The following HCRTR2 variants were observed in gnomAD, a reference collection of about 807,000 sequenced individuals.
HCRTR2 encodes the protein orexin receptor type 2.
A neutral mutation model predicts 49.0 loss-of-function variants in HCRTR2; 22 were observed. The ratio of observed to expected loss-of-function variants is 0.45; its 90% CI spans 0.32 to 0.64. The LOEUF is 0.64. Ranked by LOEUF, HCRTR2 falls within the 30% of genes least tolerant of loss-of-function variation. The pLI is 0.04. For missense variants in HCRTR2, 491 were observed against 559.4 expected (o/e 0.88, Z 1.23); for synonymous variants, 236 against 205.3 (o/e 1.15, Z -1.28).
intron 1 of HCRTR2, among the ~76,000 whole-genome samples, chr6:55,241,203 A>G (rs532157466): frequency 7.1e-6 from 1 of 140,946 alleles, no homozygotes; most frequent in African/African-American, 2.6e-5. Flanking sequence ...ATTCCCACCT[A>G]TGAGTGAGAA....
intron 1 of HCRTR2, among the ~76,000 whole-genome samples, chr6:55,244,995 T>G (rs1215960282): frequency 2.0e-5 from 3 of 152,018 alleles, no homozygotes; most frequent in Non-Finnish European, 1.5e-5. Flanking sequence ...ATTTCTGGGT[T>G]TTCTATTATG....
intron 1 of HCRTR2, among the ~76,000 whole-genome samples, chr6:55,228,091 G>A (rs925591315): frequency 6.6e-6 from 1 of 152,110 alleles, no homozygotes; most frequent in African/African-American, 2.4e-5. Flanking sequence ...GGTTGAGGTA[G>A]TGAGAGGATT....
chr6:55,147,953 A>G (rs1764616772), intron 1 of HCRTR2, among the ~76,000 whole-genome samples: 1 of 148,190 alleles, frequency 6.7e-6, no homozygotes, highest in South Asian at 2.1e-4. Context: ...TGATGTTTCC[A>G]ATGGGAAAGG....
chr6:55,174,548 GGA>G lies in HCRTR2; in HGVS notation c.-38_-37del. ...CCAGTGCTCATGGGGCAGGCGGAGA[GGA>G]GCTTGCAGCATTGAGCGGAACCGGA... On this transcript the variant is annotated 5_prime_UTR_variant, in exon 1 of 7. The change abolishes the stop of an existing upstream ORF in the 5' untranslated region. Transcript: ENST00000370862. 1 of 1,527,722 alleles carries G rather than the reference GGA, an allele frequency of 6.5e-7. No individual in the cohort carries two copies. Among genetic ancestry groups the G allele is most frequent in the Non-Finnish European group, 9.1e-7 (1 of 1,101,470 alleles). The allele number at this position is 1,527,722 out of a possible 1,614,324, so 94.6% of individuals were successfully genotyped here.
chr6:55,118,940 C>T (rs915218091), intron 1 of HCRTR2, among the ~76,000 whole-genome samples: 3 of 151,878 alleles, frequency 2.0e-5, no homozygotes, highest in Non-Finnish European at 1.5e-5. Flanking sequence ...CTCCCCTATC[C>T]CCCAACCCCC....
In HCRTR2 at chr6:55,245,469, T is replaced by TATATATATATA. The variant is rs1562020342; in HGVS notation, c.224-3170_224-3169insATATATATATA. On this transcript the variant is annotated intron_variant, in intron 1 of 6. Coordinates refer to ENST00000370862, the MANE Select transcript of HCRTR2 (RefSeq NM_001384272.1). ...TACACATAGAATACATAGGAAGATT[T>TATATATATATA]TATATATATATATATATATATATAT... 3.3e-3 allele frequency among the ~76,000 whole-genome samples: 190 copies of TATATATATATA among 56,748 alleles called. 6 individuals are homozygous for TATATATATATA. Among genetic ancestry groups the TATATATATATA allele is most frequent in the African/African-American group, 7.6e-3 (133 of 17,608 alleles). 37.2% of individuals were successfully genotyped at this position (56,748 alleles called of 152,430 possible).
chr6:55,174,489 A>G, upstream of HCRTR2: 2 of 1,016,726 alleles, frequency 2.0e-6, no homozygotes, highest in South Asian at 1.3e-5. Flanking sequence ...AGCCCCTTCT[A>G]GCCTCTCCGC....
intron 1 of HCRTR2, among the ~76,000 whole-genome samples, chr6:55,180,508 G>A (rs1018816607): frequency 2.0e-5 from 3 of 152,146 alleles, no homozygotes; most frequent in African/African-American, 4.8e-5. Context: ...TCGGGCTAGG[G>A]TTACTTTACA....
intron 1 of HCRTR2, among the ~76,000 whole-genome samples, chr6:55,137,117 A>C (rs559226541): frequency 6.6e-6 from 1 of 152,332 alleles, no homozygotes; most frequent in African/African-American, 2.4e-5. Context: ...GATGACTAAT[A>C]ATCAAAGGTA....
intron 1 of HCRTR2, among the ~76,000 whole-genome samples, chr6:55,187,179 G>C (rs1299627371): frequency 6.6e-6 from 1 of 151,938 alleles, no homozygotes; most frequent in Non-Finnish European, 1.5e-5. Flanking sequence ...TGCTGAGGCG[G>C]GTGGATCATG....
intron 1 of HCRTR2, among the ~76,000 whole-genome samples, chr6:55,237,963 C>T (rs1766245368): frequency 6.6e-6 from 1 of 152,122 alleles, no homozygotes; most frequent in South Asian, 2.1e-4. Context: ...ACTGGTTGAT[C>T]TTATCCACTC....
chr6:55,255,198 A>G lies in HCRTR2; in HGVS notation c.465A>G (p.Ala155=). ...GTATCGCCTTGGATCGGTGGTATGC[A>G]ATCTGTCACCCTTTGATGTTTAAGA... ...LSCIALDRWY[A]ICHPLMFKST... Residue 155 remains alanine, a synonymous_variant, in exon 3 of 7, where the codon GCA becomes GCG. Coordinates refer to ENST00000370862, the MANE Select transcript of HCRTR2 (RefSeq NM_001384272.1). 6.2e-7 allele frequency: 1 copy of G among 1,614,018 alleles called. No homozygotes were observed. Among genetic ancestry groups the G allele is most frequent in the Non-Finnish European group, 8.5e-7 (1 of 1,179,962 alleles).
intron 1 of HCRTR2, among the ~76,000 whole-genome samples, chr6:55,117,200 C>T (rs531019602): frequency 5.9e-5 from 9 of 151,922 alleles, no homozygotes; most frequent in African/African-American, 2.2e-4. Context: ...GTGAGCAATA[C>T]TTGAGTACAA....
chr6:55,171,013 G>C (rs569664756), upstream of HCRTR2, among the ~76,000 whole-genome samples: 1 of 152,006 alleles, frequency 6.6e-6, no homozygotes, highest in African/African-American at 2.4e-5. Flanking sequence ...CCAAGTCTTT[G>C]CTATTGTGAA....
intron 1 of HCRTR2, among the ~76,000 whole-genome samples, chr6:55,183,545 C>G (rs540298827): frequency 5.9e-5 from 9 of 152,062 alleles, no homozygotes; most frequent in Non-Finnish European, 1.3e-4. Flanking sequence ...TTAGGGGGAG[C>G]TGTTAAAGGA....
chr6:55,208,180 G>T (rs2127289443), intron 1 of HCRTR2, among the ~76,000 whole-genome samples: 1 of 152,028 alleles, frequency 6.6e-6, no homozygotes, highest in East Asian at 1.9e-4. Context: ...CTCCATTTAA[G>T]AATGAATTAC....
intron 1 of HCRTR2, among the ~76,000 whole-genome samples, chr6:55,222,769 G>A (rs890158115): frequency 6.6e-6 from 1 of 152,168 alleles, no homozygotes; most frequent in Non-Finnish European, 1.5e-5. Flanking sequence ...GCAGCTGCCA[G>A]GTCCTGGGAG....
chr6:55,140,944 T>G (rs1764497833), intron 1 of HCRTR2, among the ~76,000 whole-genome samples: 1 of 152,188 alleles, frequency 6.6e-6, no homozygotes, highest in African/African-American at 2.4e-5. Flanking sequence ...TGAGTTAGAA[T>G]CCCCATGCTC....
intron 1 of HCRTR2, among the ~76,000 whole-genome samples, chr6:55,180,702 A>T (rs948922178): frequency 6.6e-6 from 1 of 152,190 alleles, no homozygotes; most frequent in East Asian, 1.9e-4. Flanking sequence ...TAATCTACAG[A>T]TATTTGTTTA....
Sources: allele counts gnomAD v4.1 joint callset (sites outside exome capture counted in the v4.1 genomes callset), GRCh38; gene constraint gnomAD v4.1.1; transcripts MANE v1.5; gene names NCBI Gene and HGNC (gene_info 2026-07-23, HGNC 2026-07-21).